Variants in MRRF observed in about 807,000 individuals in gnomAD.
MRRF encodes the protein ribosome-recycling factor, mitochondrial.
In MRRF, 18 loss-of-function variants were observed where a neutral mutation model predicts 25.1. The ratio of observed to expected loss-of-function variants is 0.72; its 90% confidence interval spans 0.50 to 1.06. MRRF has a LOEUF of 1.06. Among genes scored for constraint, MRRF ranks in the 50% least tolerant of loss-of-function variants. The pLI is 0.00. For synonymous variants in MRRF, 113 were observed against 112.1 expected, an observed-to-expected ratio of 1.01 and a Z score of -0.05; for missense variants, 323 against 319.3, an observed-to-expected ratio of 1.01 and a Z score of -0.09.
chr9:122,265,855 C>T (rs1179844690), intron 1 of MRRF: 1 of 859,566 alleles, frequency 1.2e-6, no homozygotes, highest in East Asian at 6.2e-5. Context: ...TGTCTCATTC[C>T]TTCTTTGGCC....
chr9:122,264,929 G>C lies in MRRF; in HGVS notation c.-38G>C, dbSNP rs751969199. 6.5e-6 allele frequency: 1 copy of C among 153,224 alleles called. No individual in the cohort carries two copies. The highest frequency in any genetic ancestry group is 2.4e-5 in the African/African-American group (1 of 41,462). The allele number at this position is 153,224 out of a possible 1,614,324, so 9.5% of individuals were successfully genotyped here. ...CACGAGTCTTTCCTTAGTAACCTGG[G>C]CGATAGCTGGTGAGTGTCCTTGACA... On this transcript the variant is annotated 5_prime_UTR_variant, in exon 1 of 7. Coordinates refer to ENST00000344641, the MANE Select transcript of MRRF (RefSeq NM_138777.5).
chr9:122,313,701 A>T (rs535188246), intron 6 of MRRF, among the ~76,000 whole-genome samples: 1 of 152,320 alleles, frequency 6.6e-6, no homozygotes, highest in Non-Finnish European at 1.5e-5. Context: ...CTTGCCCGAA[A>T]TCACACTGCT....
chr9:122,312,149 A>G (rs1367810243), intron 5 of MRRF, among the ~76,000 whole-genome samples: 1 of 152,208 alleles, frequency 6.6e-6, no homozygotes, highest in East Asian at 1.9e-4. Context: ...TAAAAAGAAT[A>G]CAGGCCAGAA....
chr9:122,295,936 C>T (rs1276830547), intron 5 of MRRF, among the ~76,000 whole-genome samples: 1 of 152,188 alleles, frequency 6.6e-6, no homozygotes, highest in Non-Finnish European at 1.5e-5. Context: ...ACCCTCATTA[C>T]ATTCCTCTGA....
intron 2 of MRRF, 79 bp downstream of exon 2, chr9:122,271,154 G>T (rs1215296246): frequency 8.2e-7 from 1 of 1,222,666 alleles, no homozygotes; most frequent in African/African-American, 1.5e-5. Context: ...AGGTATCTCA[G>T]ATGTACTGAA....
At chr9:122,280,622 G>T in intron 3 of MRRF, 24 bp downstream of exon 3, 1 of 1,610,938 alleles carries the variant, frequency 6.2e-7, no homozygotes, top group Non-Finnish European at 8.5e-7. Context: ...CCAATGTTCT[G>T]GGGAGGGATG....
intron 5 of MRRF, among the ~76,000 whole-genome samples, chr9:122,304,029 A>G (rs1378151442): frequency 6.6e-6 from 1 of 151,290 alleles, no homozygotes; most frequent in Non-Finnish European, 1.5e-5. Flanking sequence ...TGTAGTTTGT[A>G]CATTCCAGGA....
chr9:122,316,752 A>G (rs1264345852), intron 6 of MRRF, among the ~76,000 whole-genome samples: 1 of 151,634 alleles, frequency 6.6e-6, no homozygotes, highest in Non-Finnish European at 1.5e-5. Context: ...GAGAAAGTTC[A>G]TCCTCCCCTC....
chr9:122,306,470 A>G (rs1834853250), intron 5 of MRRF, among the ~76,000 whole-genome samples: 2 of 152,206 alleles, frequency 1.3e-5, no homozygotes, highest in Non-Finnish European at 2.9e-5. Flanking sequence ...CAGAGGTGAA[A>G]TAACTTGCCC....
intron 5 of MRRF, among the ~76,000 whole-genome samples, chr9:122,311,060 T>A (rs552750489): frequency 6.6e-6 from 1 of 152,206 alleles, no homozygotes; most frequent in Non-Finnish European, 1.5e-5. Context: ...TGTCTGCTTC[T>A]CCTAATCCTC....
intron 2 of MRRF, among the ~76,000 whole-genome samples, 186 bp downstream of exon 2, chr9:122,271,261 C>A (rs889591892): frequency 2.0e-5 from 3 of 152,124 alleles, no homozygotes; most frequent in African/African-American, 7.2e-5. Flanking sequence ...TAACCCAGTG[C>A]CTGTTTTCTC....
intron 4 of MRRF, among the ~76,000 whole-genome samples, chr9:122,287,332 G>A (rs1046834332): frequency 1.3e-5 from 2 of 152,188 alleles, no homozygotes; most frequent in African/African-American, 4.8e-5. Flanking sequence ...TCCTTGAATG[G>A]ATGAATACCT....
At chr9:122,265,759 G>A in intron 1 of MRRF, 2 of 1,288,996 alleles carry the variant, frequency 1.6e-6, no homozygotes, top group Non-Finnish European at 2.0e-6. Context: ...AATCTAAATG[G>A]CAGATGGCAG....
At chr9:122,316,633 C>T (rs953878531) in intron 6 of MRRF, among the ~76,000 whole-genome samples, 7 of 151,898 alleles carry the variant, frequency 4.6e-5, no homozygotes, top group African/African-American at 1.7e-4. Flanking sequence ...CGTGTGCGTG[C>T]ATGTTTTAAA....
At chr9:122,292,439 A>G (rs1168973997) in intron 5 of MRRF, among the ~76,000 whole-genome samples, 2 of 152,214 alleles carry the variant, frequency 1.3e-5, no homozygotes, top group African/African-American at 2.4e-5. Context: ...AATATTGTTA[A>G]TTATATAAAT....
chr9:122,307,777 G>C (rs533510368), intron 5 of MRRF, among the ~76,000 whole-genome samples: 1 of 152,154 alleles, frequency 6.6e-6, no homozygotes, highest in South Asian at 2.1e-4. Flanking sequence ...GGTCTTTTTG[G>C]CCCTAAACCG....
At chr9:122,282,636 A>T (rs200682051) in intron 3 of MRRF, among the ~76,000 whole-genome samples, 1 of 152,364 alleles carries the variant, frequency 6.6e-6, no homozygotes, top group East Asian at 1.9e-4. Context: ...AGAAATAATA[A>T]TAACTATCTC....
At chr9:122,266,093 C>A (rs1832063903) in intron 1 of MRRF, among the ~76,000 whole-genome samples, 1 of 152,230 alleles carries the variant, frequency 6.6e-6, no homozygotes, top group African/African-American at 2.4e-5. Context: ...TCTGGACTTT[C>A]ACTGATGTAT....
chr9:122,276,350 G>A (rs1832772981), intron 2 of MRRF, among the ~76,000 whole-genome samples: 1 of 152,180 alleles, frequency 6.6e-6, no homozygotes, highest in Admixed American at 6.5e-5. Flanking sequence ...GAGTGCAGTG[G>A]CACAATCATA....
Sources: allele counts gnomAD v4.1 joint callset (sites outside exome capture counted in the v4.1 genomes callset), GRCh38; gene constraint gnomAD v4.1.1; transcripts MANE v1.5; gene names NCBI Gene and HGNC (gene_info 2026-07-23, HGNC 2026-07-21).